Variants in MTTP observed in about 807,000 individuals in gnomAD.
MTTP encodes microsomal triglyceride transfer protein.
MTTP carries 49 observed loss-of-function variants against 90.6 expected under a neutral mutation model. The observed-to-expected ratio is 0.54, with a 90% CI of 0.43 to 0.69. The LOEUF (loss-of-function observed/expected upper bound fraction) is 0.69. MTTP is among the 30% of genes least tolerant of loss of function. The pLI is 0.00. For synonymous variants in MTTP, 347 were observed against 384.2 expected (o/e 0.90, Z 1.13); for missense variants, 945 against 1,067.5 (o/e 0.89, Z 1.60).
chr4:99,574,202 T>A (rs374080414), upstream of MTTP, among the ~76,000 whole-genome samples: 19 of 152,336 alleles, frequency 1.2e-4, no homozygotes, highest in African/African-American at 4.6e-4. Context: ...ATGAAATAAT[T>A]GGCTTGCTAG....
intron 1 of MTTP, chr4:99,564,531 C>T (rs1724611630): frequency 6.5e-6 from 2 of 307,614 alleles, no homozygotes; most frequent in Non-Finnish European, 1.2e-5. Flanking sequence ...ATTCCTTGAG[C>T]TATTTTTCCT....
rs780308577 is a variant in MTTP, at chr4:99,622,723, G to A, written c.2560G>A (p.Val854Ile). 1.2e-6 allele frequency: 2 copies of A among 1,614,088 alleles called. No individual in the cohort carries two copies. Among genetic ancestry groups the A allele is most frequent in the Admixed American group, 3.3e-5 (2 of 60,014 alleles). The change falls in exon 18 of 18, where the codon GTC (valine) becomes ATC (isoleucine). Residue 854 changes from valine to isoleucine, a missense_variant. Coordinates refer to ENST00000265517, the MANE Select transcript of MTTP (RefSeq NM_001386140.1). ...YERLSTGRGY[V>I]SQKRKESVLA... ...AAGGCTGTCCACAGGCAGAGGTTATGTCTCTCAGAAAAGAAAAGAAAGCGT... is the reference window on the plus strand; with the variant it reads ...AAGGCTGTCCACAGGCAGAGGTTATATCTCTCAGAAAAGAAAAGAAAGCGT...
chr4:99,571,301 T>C (rs1453088329), upstream of MTTP, among the ~76,000 whole-genome samples: 3 of 151,986 alleles, frequency 2.0e-5, no homozygotes, highest in Non-Finnish European at 4.4e-5. Flanking sequence ...GCATTTATAC[T>C]TGGATATTAT....
chr4:99,612,696 G>A (rs912484575), intron 14 of MTTP, among the ~76,000 whole-genome samples: 7 of 152,134 alleles, frequency 4.6e-5, no homozygotes, highest in African/African-American at 1.7e-4. Flanking sequence ...AATATCATAT[G>A]TACTTCAAAG....
intron 3 of MTTP, 88 bp downstream of exon 3, chr4:99,583,605 G>A (rs754858295): frequency 6.9e-6 from 10 of 1,455,976 alleles, no homozygotes; most frequent in Non-Finnish European, 9.6e-6. Flanking sequence ...TAATCACATT[G>A]TAACTACTTT....
chr4:99,586,316 C>T (rs976386813), intron 3 of MTTP, among the ~76,000 whole-genome samples: 2 of 152,078 alleles, frequency 1.3e-5, no homozygotes, highest in South Asian at 2.1e-4. Flanking sequence ...TTAATGCTGA[C>T]GAGTGAAAGA....
At position 99,566,550 on chromosome 4, in the gene MTTP, T is replaced by C. The variant is rs984732200; in HGVS notation, c.-102+2313T>C. Among the ~76,000 whole-genome samples the C allele has an allele frequency of 1.1e-4, 16 of 152,248 alleles. No individual in the cohort carries two copies. In the East Asian group the frequency reaches 2.5e-3, roughly 24 times the overall value. Reference sequence around the variant, plus strand: ...GTCTAGAAGGAAAGTATCACAAACCTGAGAGTGCAATTCCTCTTTAATCAG... The same window carrying C: ...GTCTAGAAGGAAAGTATCACAAACCCGAGAGTGCAATTCCTCTTTAATCAG... On this transcript the variant is annotated intron_variant, in intron 1 of 18. Coordinates refer to the MTTP transcript ENST00000457717.
chr4:99,607,091 T>C, intron 11 of MTTP, 131 bp downstream of exon 11: 1 of 798,898 alleles, frequency 1.3e-6, no homozygotes, highest in African/African-American at 1.7e-5. Flanking sequence ...TGCTTAAAAA[T>C]AACTCTTAAA....
At chr4:99,569,308 C>T (rs1724781409) in intron 1 of MTTP, among the ~76,000 whole-genome samples, 1 of 152,022 alleles carries the variant, frequency 6.6e-6, no homozygotes, top group Non-Finnish European at 1.5e-5. Flanking sequence ...AGAGCTATTA[C>T]AGCCAAGAGG....
At chr4:99,603,327 A>G (rs1725740959) in intron 10 of MTTP, among the ~76,000 whole-genome samples, 1 of 152,144 alleles carries the variant, frequency 6.6e-6, no homozygotes, top group African/African-American at 2.4e-5. Flanking sequence ...CCACAGAAAG[A>G]AGAGAACAGT....
chr4:99,570,772 A>T, upstream of MTTP: 1 of 455,810 alleles, frequency 2.2e-6, no homozygotes, highest in Non-Finnish European at 4.4e-6. Flanking sequence ...AGTGATATGA[A>T]GTAAAAAGGA....
intron 11 of MTTP, 146 bp from the exon 12 acceptor site, chr4:99,608,620 C>T (rs13306568): frequency 0.013 from 9,085 of 713,722 alleles, 97 homozygotes; most frequent in African/African-American, 0.034. Flanking sequence ...GAACTAGTCA[C>T]GTGGCCCCCA....
At chr4:99,570,997 C>A (rs1724829028), upstream of MTTP, 2 of 295,142 alleles carry the variant, frequency 6.8e-6, no homozygotes, top group South Asian at 6.6e-5. Context: ...CTGTTTTAAG[C>A]CACTAAGTTT....
chr4:99,591,444 T>A, intron 5 of MTTP, 93 bp downstream of exon 5: 1 of 1,211,304 alleles, frequency 8.3e-7, no homozygotes, highest in Non-Finnish European at 1.2e-6. Context: ...AGAAATAGAA[T>A]TTTGAAACAT....
chr4:99,595,755 GTTTT>G (rs34393574), intron 7 of MTTP: 1 of 147,440 alleles, frequency 6.8e-6, no homozygotes, highest in Non-Finnish European at 1.5e-5. Context: ...TCTTTTACCT[GTTTT>G]TTTTTTCATA....
chr4:99,585,994 A>G (rs1725249755), intron 3 of MTTP, among the ~76,000 whole-genome samples: 1 of 152,132 alleles, frequency 6.6e-6, no homozygotes, highest in Non-Finnish European at 1.5e-5. Flanking sequence ...AAGGCTATGG[A>G]CAGGCTATTT....
rs1452013738 is a variant in MTTP at position 99,614,743 on chromosome 4, G to A, written c.2217+1603G>A. On this transcript the variant is annotated intron_variant, in intron 15 of 17. Coordinates refer to ENST00000265517, the MANE Select transcript of MTTP (RefSeq NM_001386140.1). The stretch of plus-strand genomic sequence containing the variant: ...GAAGGGAAGGATAAGAGGTCACAGA[G>A]TCTGACTCTTTTTCAAGAATTGTTT... Among the ~76,000 whole-genome samples, 3 of 152,300 alleles carry A rather than the reference G, an allele frequency of 2.0e-5. No individual in the cohort carries two copies. In the East Asian group the frequency reaches 5.8e-4, roughly 29 times the overall value.
At chr4:99,594,692 A>C (rs746851166) in intron 6 of MTTP, 41 bp from the exon 7 acceptor site, 5 of 1,610,826 alleles carry the variant, frequency 3.1e-6, no homozygotes, top group Non-Finnish European at 4.2e-6. Context: ...TTCACTCAAA[A>C]GAATGATTAT....
chr4:99,570,827 G>A (rs1578227843), upstream of MTTP: 5 of 454,738 alleles, frequency 1.1e-5, no homozygotes, highest in Admixed American at 4.7e-5. Context: ...AAGGGACCAC[G>A]AGTCAAGGAA....
Sources: gnomAD v4.1 joint callset for allele counts (sites outside exome capture counted in the v4.1 genomes callset) on GRCh38, gnomAD v4.1.1 for gene constraint, MANE v1.5 for transcripts, NCBI Gene and HGNC (gene_info 2026-07-23, HGNC 2026-07-21) for gene names.